The following SMIM12 variants were observed in gnomAD, a reference collection of about 807,000 sequenced individuals.
SMIM12 encodes small integral membrane protein 12.
In SMIM12, 5 loss-of-function variants were observed where a neutral mutation model predicts 6.3. The observed-to-expected ratio is 0.80, with a 90% CI of 0.42 to 1.68. The LOEUF (loss-of-function observed/expected upper bound fraction) is 1.68. Ranked by LOEUF, SMIM12 falls within the 40% of genes most tolerant of loss-of-function variation. The probability of loss-of-function intolerance (pLI) is 0.02; values close to 1 mark genes in which losing one functional copy is unlikely to be tolerated. For missense variants in SMIM12, 103 were observed against 121.4 expected, an observed-to-expected ratio of 0.85 and a Z score of 0.71; for synonymous variants, 51 against 48.0, an observed-to-expected ratio of 1.06 and a Z score of -0.26.
chr1:34,854,686 A>G lies in SMIM12; in HGVS notation c.*1013T>C, dbSNP rs1638583208. ...CTAAAACCTATGCAGAGAATTAGTA[A>G]AAGACAACAAAATGTTAACGGTTGT... is the stretch of plus-strand genomic sequence containing the variant. On this transcript the variant is annotated 3_prime_UTR_variant, in exon 2 of 2. Transcript: ENST00000521580. The G allele has an allele frequency of 6.5e-6, 1 of 153,942 alleles. No homozygotes were observed. The highest frequency in any genetic ancestry group is 2.4e-5 in the African/African-American group (1 of 41,468). The allele number at this position is 153,942 out of a possible 1,614,324, so 9.5% of individuals were successfully genotyped here. A position where few individuals can be genotyped will look rare whatever the true frequency, so the allele number is the denominator to read the frequency against.
chr1:34,858,563 T>C (rs960946111), intron 1 of SMIM12: 3 of 152,232 alleles, frequency 2.0e-5, no homozygotes, highest in African/African-American at 7.2e-5. Flanking sequence ...GAGGCACCTC[T>C]GAAGAATCCC....
chr1:34,857,302 T>C (rs1017906285), intron 1 of SMIM12: 1 of 152,166 alleles, frequency 6.6e-6, no homozygotes, highest in Non-Finnish European at 1.5e-5. Context: ...GCCTCCTGAA[T>C]TGAAGTAGGG....
intron 1 of SMIM12, chr1:34,859,046 A>G (rs902082589): frequency 2.0e-5 from 3 of 152,270 alleles, no homozygotes; most frequent in Non-Finnish European, 4.4e-5. Flanking sequence ...AAAAGGTGGC[A>G]GGAGCATAAC....
chr1:34,858,980 AT>A (rs1638737247), intron 1 of SMIM12: 1 of 152,232 alleles, frequency 6.6e-6, no homozygotes, highest in Admixed American at 6.5e-5. Context: ...GAACGAATGA[AT>A]GACAGCCCAA....
chr1:34,856,114 T>A, intron 1 of SMIM12, 132 bp from the exon 2 acceptor site: 1 of 1,106,798 alleles, frequency 9.0e-7, no homozygotes, highest in Non-Finnish European at 1.2e-6. Context: ...GGAGTCTTGC[T>A]CTGTCGCCCA....
At position 34,855,156 on chromosome 1, in the gene SMIM12, A is replaced by G. The variant is rs779494434; in HGVS notation, c.*543T>C. The G allele has an allele frequency of 2.3e-5, 31 of 1,363,270 alleles. No homozygotes were observed. The highest frequency in any genetic ancestry group is 4.6e-5 in the East Asian group (1 of 21,930). The allele number at this position is 1,363,270 out of a possible 1,614,324, so 84.4% of individuals were successfully genotyped here. A position where few individuals can be genotyped will look rare whatever the true frequency, so the allele number is the denominator to read the frequency against. On this transcript the variant is annotated 3_prime_UTR_variant, in exon 2 of 2. Transcript: ENST00000521580. ...GAGGCACATGTTCGTCCCTGCCCCAAAGTGAACAGTCTGGGCTTCCCAGAA... is the reference window on the plus strand; with the variant it reads ...GAGGCACATGTTCGTCCCTGCCCCAGAGTGAACAGTCTGGGCTTCCCAGAA...
chr1:34,855,397 C>T lies in SMIM12; in HGVS notation c.*302G>A, dbSNP rs1287915946. The T allele has an allele frequency of 6.7e-7, 1 of 1,501,092 alleles. No homozygotes were observed. Among genetic ancestry groups the T allele is most frequent in the African/African-American group, 1.4e-5 (1 of 72,490 alleles). 93.0% of individuals were successfully genotyped at this position (1,501,092 alleles called of 1,614,324 possible). On this transcript the variant is annotated 3_prime_UTR_variant, in exon 2 of 2. Coordinates refer to ENST00000521580, the MANE Select transcript of SMIM12 (RefSeq NM_138428.6). ...CCCACTAGAGGCCAAACCGCCTGCC[C>T]ACAGAGATTGACAGCCAATGTTCAT...
At chr1:34,858,385 C>A (rs1449030856) in intron 1 of SMIM12, 2 of 152,240 alleles carry the variant, frequency 1.3e-5, no homozygotes, top group Non-Finnish European at 2.9e-5. Context: ...GGGAAGAACA[C>A]ACTGCAGAGG....
At position 34,855,851 on chromosome 1, in the gene SMIM12, CG is replaced by C; in HGVS notation, c.126del (p.Val43TrpfsTer20). 1 of 1,551,796 alleles carries C rather than the reference CG, an allele frequency of 6.4e-7. No homozygotes were observed. Among genetic ancestry groups the C allele is most frequent in the Non-Finnish European group, 8.7e-7 (1 of 1,147,024 alleles). On this transcript the variant is annotated frameshift_variant, in exon 2 of 2. Transcript: ENST00000521580. LOFTEE classifies it high-confidence loss of function. ...EWFIRGKDPQ[P>X]VEEEKSISER... is the part of the protein sequence containing the mutation. ...TCTGAGATGCTCTTTTCCTCCTCCACGGGCTGGGGGTCCTTTCCCCTGATGA... is the reference window on the plus strand; with the variant it reads ...TCTGAGATGCTCTTTTCCTCCTCCACGGCTGGGGGTCCTTTCCCCTGATGA...
In SMIM12 at chr1:34,855,337, T is replaced by C; in HGVS notation, c.*362A>G. 1.4e-6 allele frequency: 2 copies of C among 1,414,936 alleles called. No homozygotes were observed. The highest frequency in any genetic ancestry group is 1.9e-6 in the Non-Finnish European group (2 of 1,053,380). The allele number at this position is 1,414,936 out of a possible 1,614,324, so 87.6% of individuals were successfully genotyped here. On this transcript the variant is annotated 3_prime_UTR_variant, in exon 2 of 2. Coordinates refer to ENST00000521580, the MANE Select transcript of SMIM12 (RefSeq NM_138428.6). ...CAGACTGGAACTAGACATGCAGGTA[T>C]CCCTCCTAAAGGCAACGCCCAAATC...
rs1638549721 is a variant in SMIM12, at chr1:34,853,916, G to A, written c.*1783C>T. On this transcript the variant is annotated 3_prime_UTR_variant, in exon 2 of 2. Transcript: ENST00000521580. ...GAGAATCGCTTGAACCCAAGAGGTG[G>A]AGGTTGCAGTGAACCAAGATCGCGC... The A allele has an allele frequency of 6.6e-6, 1 of 151,798 alleles. No individual in the cohort carries two copies. Among genetic ancestry groups the A allele is most frequent in the Admixed American group, 6.6e-5 (1 of 15,240 alleles). The allele number at this position is 151,798 out of a possible 1,614,324, so 9.4% of individuals were successfully genotyped here.
In SMIM12 at chr1:34,855,680, T is replaced by C. The variant is rs781581623; in HGVS notation, c.*19A>G. 2.7e-5 allele frequency: 44 copies of C among 1,613,110 alleles called. No homozygotes were observed. In the South Asian group the frequency reaches 3.2e-4, roughly 12 times the overall value. On this transcript the variant is annotated 3_prime_UTR_variant, in exon 2 of 2. Transcript: ENST00000521580. Reference sequence around the variant, plus strand: ...CAAGTCACCACCCACAGTAGGACCATAGGGCCCTGTGTCCTCCATTAATTC... The same window carrying C: ...CAAGTCACCACCCACAGTAGGACCACAGGGCCCTGTGTCCTCCATTAATTC...
chr1:34,857,746 G>A (rs1638698763), intron 1 of SMIM12: 1 of 152,092 alleles, frequency 6.6e-6, no homozygotes, highest in Non-Finnish European at 1.5e-5. Flanking sequence ...ATAAGGCAGC[G>A]GTCCCCAATC....
Position 34,852,567 on chromosome 1 carries a change from G to A in SMIM12, c.*3132C>T, listed in dbSNP as rs1192467473. 7 of 151,280 alleles carry A rather than the reference G, an allele frequency of 4.6e-5. No homozygotes were observed. The highest frequency in any genetic ancestry group is 2.0e-4 in the East Asian group (1 of 5,120). The allele number at this position is 151,280 out of a possible 1,614,324, so 9.4% of individuals were successfully genotyped here. A position where few individuals can be genotyped will look rare whatever the true frequency, so the allele number is the denominator to read the frequency against. On this transcript the variant is annotated 3_prime_UTR_variant, in exon 2 of 2. Coordinates refer to ENST00000521580, the MANE Select transcript of SMIM12 (RefSeq NM_138428.6). ...AGCCACTGGGTCAAATTAACCCCACGGGTATGATAGCATGCTTAGAATTTT... is the reference window on the plus strand; with the variant it reads ...AGCCACTGGGTCAAATTAACCCCACAGGTATGATAGCATGCTTAGAATTTT...
Position 34,855,664 on chromosome 1 carries a change from A to AC in SMIM12, c.*34dup. 1.2e-6 allele frequency: 2 copies of AC among 1,613,508 alleles called. No individual in the cohort carries two copies. The highest frequency in any genetic ancestry group is 1.7e-6 in the Non-Finnish European group (2 of 1,179,512). On this transcript the variant is annotated 3_prime_UTR_variant, in exon 2 of 2. Transcript: ENST00000521580. The stretch of plus-strand genomic sequence containing the variant: ...CAACATGGTAGCAGGACAAGTCACC[A>AC]CCCACAGTAGGACCATAGGGCCCTG...
Position 34,855,669 on chromosome 1 carries a change from C to G in SMIM12, c.*30G>C. The G allele has an allele frequency of 6.2e-7, 1 of 1,613,530 alleles. No individual in the cohort carries two copies. The highest frequency in any genetic ancestry group is 8.5e-7 in the Non-Finnish European group (1 of 1,179,450). ...TGGTAGCAGGACAAGTCACCACCCA[C>G]AGTAGGACCATAGGGCCCTGTGTCC... is the stretch of plus-strand genomic sequence containing the variant. On this transcript the variant is annotated 3_prime_UTR_variant, in exon 2 of 2. Coordinates refer to ENST00000521580, the MANE Select transcript of SMIM12 (RefSeq NM_138428.6).
At position 34,853,820 on chromosome 1, in the gene SMIM12, TA is replaced by T. The variant is rs1638546761; in HGVS notation, c.*1878del. 1 of 151,778 alleles carries T rather than the reference TA, an allele frequency of 6.6e-6. No homozygotes were observed. Among genetic ancestry groups the T allele is most frequent in the Non-Finnish European group, 1.5e-5 (1 of 67,994 alleles). The allele number at this position is 151,778 out of a possible 1,614,324, so 9.4% of individuals were successfully genotyped here. On this transcript the variant is annotated 3_prime_UTR_variant, in exon 2 of 2. Coordinates refer to ENST00000521580, the MANE Select transcript of SMIM12 (RefSeq NM_138428.6). ...CAACATGGTGAAACCCTGTCTCTAC[TA>T]AAAATACAAAAATTAGCCAGGCGTA...
chr1:34,856,891 T>C (rs988470674), intron 1 of SMIM12, among the ~76,000 whole-genome samples: 1 of 152,188 alleles, frequency 6.6e-6, no homozygotes, highest in African/African-American at 2.4e-5. Context: ...ACAAATCTGC[T>C]GACTAAACCA....
At position 34,854,799 on chromosome 1, in the gene SMIM12, G is replaced by A. The variant is rs768520158; in HGVS notation, c.*900C>T. On this transcript the variant is annotated 3_prime_UTR_variant, in exon 2 of 2. Transcript: ENST00000521580. ...CGTATATACTTTTATAGGGAAAGGCGTCTATGTGTGTGTATGTGAGGTCTA... is the reference window on the plus strand; with the variant it reads ...CGTATATACTTTTATAGGGAAAGGCATCTATGTGTGTGTATGTGAGGTCTA... 7 of 168,144 alleles carry A rather than the reference G, an allele frequency of 4.2e-5. No individual in the cohort carries two copies. Among genetic ancestry groups the A allele is most frequent in the South Asian group, 2.9e-4 (2 of 6,784 alleles). The allele number at this position is 168,144 out of a possible 1,614,324, so 10.4% of individuals were successfully genotyped here. A position where few individuals can be genotyped will look rare whatever the true frequency, so the allele number is the denominator to read the frequency against.
Sources: allele counts gnomAD v4.1 joint callset (sites outside exome capture counted in the v4.1 genomes callset), GRCh38; gene constraint gnomAD v4.1.1; transcripts MANE v1.5; gene names NCBI Gene and HGNC (gene_info 2026-07-23, HGNC 2026-07-21).